Variants in COIL observed in about 807,000 individuals in gnomAD.
COIL encodes coilin.
Under a neutral mutation model 51.6 loss-of-function variants are expected in COIL, and 28 were observed. The observed-to-expected ratio is 0.54, with a 90% CI of 0.40 to 0.74. The LOEUF (loss-of-function observed/expected upper bound fraction) is 0.74, where lower values mean the gene tolerates loss of function less well. COIL is among the 30% of genes least tolerant of loss of function. The pLI is 0.00. For synonymous variants in COIL, 233 were observed against 255.8 expected, an observed-to-expected ratio of 0.91 and a Z score of 0.85; for missense variants, 667 against 685.9, an observed-to-expected ratio of 0.97 and a Z score of 0.31.
chr17:56,954,198 T>C (rs1471433699), intron 1 of COIL, among the ~76,000 whole-genome samples: 2 of 152,154 alleles, frequency 1.3e-5, no homozygotes, highest in African/African-American at 4.8e-5. Context: ...AACCCCTTCC[T>C]TTCCTGGAAG....
At chr17:56,960,132 G>A (rs901250998) in intron 1 of COIL, among the ~76,000 whole-genome samples, 24 of 152,142 alleles carry the variant, frequency 1.6e-4, no homozygotes, top group Non-Finnish European at 7.4e-5. Flanking sequence ...GCTGAGGTGG[G>A]AGGATCGATT....
chr17:56,960,556 T>A, intron 1 of COIL: 1 of 299,340 alleles, frequency 3.3e-6, no homozygotes, highest in Non-Finnish European at 6.0e-6. Flanking sequence ...AAAATAATAA[T>A]AAAATGCAGA....
intron 1 of COIL, among the ~76,000 whole-genome samples, chr17:56,957,382 A>C (rs929573701): frequency 6.6e-6 from 1 of 152,064 alleles, no homozygotes; most frequent in Non-Finnish European, 1.5e-5. Flanking sequence ...CACTTTGGGA[A>C]GCTGAGGAGG....
intron 5 of COIL, among the ~76,000 whole-genome samples, chr17:56,944,106 A>T (rs1457130768): frequency 6.6e-6 from 1 of 151,542 alleles, no homozygotes; most frequent in Non-Finnish European, 1.5e-5. Context: ...GGCTCAAGTG[A>T]TCCTCCCACC....
In COIL at chr17:56,950,736, GTTGC is replaced by G; in HGVS notation, c.502_505del (p.Ala168ProfsTer40). ...GTTATCATCACCCACTGTGCCACAG[GTTGC>G]TTTATTTTTTCTCTTGTTTTTTTTG... On this transcript the variant is annotated frameshift_variant, in exon 2 of 7. Coordinates refer to ENST00000240316, the MANE Select transcript of COIL (RefSeq NM_004645.3). LOFTEE classifies it high-confidence loss of function. 1.9e-6 allele frequency: 3 copies of G among 1,613,908 alleles called. No homozygotes were observed. The highest frequency in any genetic ancestry group is 2.5e-6 in the Non-Finnish European group (3 of 1,180,006).
At chr17:56,946,068 T>C (rs1039478332) in intron 5 of COIL, among the ~76,000 whole-genome samples, 8 of 152,326 alleles carry the variant, frequency 5.3e-5, no homozygotes, top group African/African-American at 1.7e-4. Flanking sequence ...GCAATCTAAG[T>C]GCAGAATCTT....
Position 56,960,801 on chromosome 17 carries a change from G to A in COIL, c.219C>T (p.Arg73=). ...GGLLPPAESA[R]LVRDNDCLRV... is the part of the protein sequence containing the mutation. ...TGAGGCAGTCGTTGTCTCTCACAAG[G>A]CGCGCGCTCTCGGCGGGGGGCAAGA... is the stretch of plus-strand genomic sequence containing the variant. The change falls in exon 1 of 7, where the codon CGC becomes CGT. Residue 73 remains arginine, a synonymous_variant. Coordinates refer to ENST00000240316, the MANE Select transcript of COIL (RefSeq NM_004645.3). 1.9e-6 allele frequency: 3 copies of A among 1,593,960 alleles called. No homozygotes were observed. The highest frequency in any genetic ancestry group is 2.6e-6 in the Non-Finnish European group (3 of 1,170,914).
chr17:56,939,692 A>G (rs947353776), intron 6 of COIL, among the ~76,000 whole-genome samples: 1 of 152,164 alleles, frequency 6.6e-6, no homozygotes, highest in African/African-American at 2.4e-5. Context: ...GTGAGCGGAG[A>G]TCGCGCCACT....
chr17:56,958,984 G>A (rs72842336), intron 1 of COIL, among the ~76,000 whole-genome samples: 4,877 of 152,190 alleles, frequency 0.032, 98 homozygotes, highest in Middle Eastern at 0.061. Flanking sequence ...ACGACAAAGG[G>A]CAGCAAGAGA....
intron 4 of COIL, among the ~76,000 whole-genome samples, chr17:56,948,351 G>A (rs1343560944): frequency 6.6e-6 from 1 of 151,652 alleles, no homozygotes; most frequent in Non-Finnish European, 1.5e-5. Flanking sequence ...GTGTTAGCCA[G>A]GATGGTCTCA....
intron 1 of COIL, among the ~76,000 whole-genome samples, chr17:56,954,549 G>T (rs1235048425): frequency 6.6e-6 from 1 of 151,150 alleles, no homozygotes; most frequent in Non-Finnish European, 1.5e-5. Context: ...GACAGATAGA[G>T]ACTCTGTCTC....
At chr17:56,951,624 A>G (rs1261846494) in intron 1 of COIL, 2 of 152,622 alleles carry the variant, frequency 1.3e-5, no homozygotes, top group African/African-American at 4.8e-5. Context: ...GGACGTCCAG[A>G]TATCTGGTTA....
At chr17:56,948,724 C>T (rs1272331821) in intron 4 of COIL, among the ~76,000 whole-genome samples, 1 of 150,548 alleles carries the variant, frequency 6.6e-6, no homozygotes, top group Non-Finnish European at 1.5e-5. Flanking sequence ...AATATAAAGA[C>T]TCATACAGAT....
chr17:56,939,293 T>G, intron 6 of COIL, 139 bp from the exon 7 acceptor site: 1 of 616,576 alleles, frequency 1.6e-6, no homozygotes, highest in Middle Eastern at 2.6e-4. Flanking sequence ...TGAGTTCAAT[T>G]GCAGTATAGT....
chr17:56,956,054 T>A (rs1910477005), intron 1 of COIL, among the ~76,000 whole-genome samples: 1 of 152,202 alleles, frequency 6.6e-6, no homozygotes, highest in Non-Finnish European at 1.5e-5. Context: ...AAAGTATAAG[T>A]ACATATGGTT....
intron 1 of COIL, among the ~76,000 whole-genome samples, chr17:56,959,750 G>C (rs183949032): frequency 3.9e-4 from 60 of 152,350 alleles, no homozygotes; most frequent in African/African-American, 1.3e-3. Context: ...GTAAGGCCGG[G>C]TCTCCGGCAC....
At chr17:56,953,770 G>T (rs1406791096) in intron 1 of COIL, among the ~76,000 whole-genome samples, 1 of 152,116 alleles carries the variant, frequency 6.6e-6, no homozygotes, top group African/African-American at 2.4e-5. Flanking sequence ...TTATTTGTCA[G>T]AAAACTAACT....
At chr17:56,940,495 T>G (rs868357562) in intron 6 of COIL, among the ~76,000 whole-genome samples, 2 of 152,100 alleles carry the variant, frequency 1.3e-5, no homozygotes, top group Admixed American at 6.6e-5. Flanking sequence ...CCAATGCGGT[T>G]TCCAATTTCA....
chr17:56,953,653 A>G (rs1308721915), intron 1 of COIL, among the ~76,000 whole-genome samples: 1 of 152,180 alleles, frequency 6.6e-6, no homozygotes, highest in African/African-American at 2.4e-5. Flanking sequence ...AAAATAAAGA[A>G]CAACTGGTGA....
Sources: allele counts gnomAD v4.1 joint callset (sites outside exome capture counted in the v4.1 genomes callset), GRCh38; gene constraint gnomAD v4.1.1; transcripts MANE v1.5; gene names NCBI Gene and HGNC (gene_info 2026-07-23, HGNC 2026-07-21).